Variants in DNAH8 observed in about 807,000 individuals in gnomAD.
DNAH8 encodes dynein axonemal heavy chain 8, also known as axonemal beta dynein heavy chain 8.
DNAH8 carries 382 observed loss-of-function variants against 562.1 expected under a neutral mutation model. The ratio of observed to expected loss-of-function variants is 0.68; its 90% CI spans 0.63 to 0.74. The LOEUF is 0.74. DNAH8 is among the 30% of genes least tolerant of loss of function. DNAH8 has a pLI of 0.00. For synonymous variants in DNAH8, 1,881 were observed against 1,919.4 expected (o/e 0.98, Z 0.52); for missense variants, 5,203 against 5,620.4 (o/e 0.93, Z 2.37).
intron 3 of DNAH8, among the ~76,000 whole-genome samples, chr6:38,729,090 C>T (rs1763458857): frequency 6.6e-6 from 1 of 152,154 alleles, no homozygotes; most frequent in South Asian, 2.1e-4. Flanking sequence ...GTAATCTCAG[C>T]TACTCGGGAG....
At chr6:38,736,399 T>G (rs144040439) in intron 5 of DNAH8, among the ~76,000 whole-genome samples, 73 of 152,306 alleles carry the variant, frequency 4.8e-4, no homozygotes, top group African/African-American at 1.6e-3. Flanking sequence ...TGTTGACATT[T>G]GACTGATGGC....
chr6:38,778,496 T>C, intron 14 of DNAH8, 32 bp downstream of exon 14: 6 of 1,249,698 alleles, frequency 4.8e-6, no homozygotes, highest in Non-Finnish European at 6.9e-6. Flanking sequence ...GAGTAGTTTC[T>C]GGGGGGAATA....
In DNAH8 at chr6:38,951,191, T is replaced by A. The variant is rs1440501036; in HGVS notation, c.12249-127T>A. The stretch of plus-strand genomic sequence containing the variant: ...TAGGAAACCTTGCCATTCCTCTTAC[T>A]TAGATGTGGAAAAGTAGGAATTAAC... On this transcript the variant is annotated intron_variant, in intron 81 of 92. Coordinates refer to ENST00000327475, the MANE Select transcript of DNAH8 (RefSeq NM_001206927.2). 3 of 790,332 alleles carry A rather than the reference T, an allele frequency of 3.8e-6. No individual in the cohort carries two copies. In the Admixed American group the frequency reaches 7.1e-5, roughly 19 times the overall value. 49.0% of individuals were successfully genotyped at this position (790,332 alleles called of 1,614,324 possible). A position where few individuals can be genotyped will look rare whatever the true frequency, so the allele number is the denominator to read the frequency against.
chr6:38,954,384 T>A, intron 82 of DNAH8, among the ~76,000 whole-genome samples: 1 of 152,254 alleles, frequency 6.6e-6, no homozygotes, highest in Admixed American at 6.5e-5. Context: ...ACATTTTAAA[T>A]AATAAGAGAA....
chr6:38,842,606 A>T (rs1774906840), intron 34 of DNAH8, 57 bp from the exon 35 acceptor site: 14 of 1,592,092 alleles, frequency 8.8e-6, no homozygotes, highest in Admixed American at 5.3e-5. Context: ...ATATACATAA[A>T]ACCTTCCTCA....
At chr6:38,920,861 A>AT (rs1178407114) in intron 70 of DNAH8, among the ~76,000 whole-genome samples, 1 of 152,106 alleles carries the variant, frequency 6.6e-6, no homozygotes, top group Non-Finnish European at 1.5e-5. Context: ...ACATTGCTGC[A>AT]TTTTCCATGT....
chr6:38,734,942 A>G (rs1763969349), intron 5 of DNAH8, among the ~76,000 whole-genome samples: 2 of 152,180 alleles, frequency 1.3e-5, no homozygotes, highest in African/African-American at 2.4e-5. Context: ...TAACTCTTTT[A>G]TAGTTTTAAA....
At chr6:38,989,791 T>C (rs1764655042) in intron 87 of DNAH8, among the ~76,000 whole-genome samples, 1 of 152,222 alleles carries the variant, frequency 6.6e-6, no homozygotes, top group Non-Finnish European at 1.5e-5. Context: ...GGTGAATATC[T>C]TCTTTGGTGT....
At chr6:38,942,706 G>A (rs1002273490) in intron 79 of DNAH8, among the ~76,000 whole-genome samples, 2 of 152,174 alleles carry the variant, frequency 1.3e-5, no homozygotes, top group African/African-American at 4.8e-5. Context: ...CCAACAGATA[G>A]CATTTGTCGT....
At position 38,949,490 on chromosome 6, in the gene DNAH8, T is replaced by TA. The variant is rs1458540402; in HGVS notation, c.12171dup (p.Asp4058ArgfsTer10). The TA allele has an allele frequency of 1.2e-6, 2 of 1,613,572 alleles. No individual in the cohort carries two copies. Among genetic ancestry groups the TA allele is most frequent in the Admixed American group, 3.3e-5 (2 of 60,018 alleles). On this transcript the variant is annotated frameshift_variant, in exon 81 of 93. Transcript: ENST00000327475. LOFTEE classifies it high-confidence loss of function. Reference sequence around the variant, plus strand: ...AGAAGGGGTGGAAAAGCTGGTTTGATAAAGATGCTCCAGAGGAGGAAATTA... The same window carrying TA: ...AGAAGGGGTGGAAAAGCTGGTTTGATAAAAGATGCTCCAGAGGAGGAAATTA...
rs11340457 is a variant in DNAH8 at position 38,743,007 on chromosome 6, C to CT, written c.1293+1147dup. Among the ~76,000 whole-genome samples the CT allele has an allele frequency of 6.0e-3, 314 of 52,006 alleles. 12 individuals are homozygous for CT. Among genetic ancestry groups the CT allele is most frequent in the South Asian group, 0.01 (10 of 972 alleles). 34.1% of individuals were successfully genotyped at this position (52,006 alleles called of 152,430 possible). ...TTTCCAAAAAAATGTTGTTGTTGTG[C>CT]TTTTTTTTTTTTTTTTTTTTTTTTT... On this transcript the variant is annotated intron_variant, in intron 8 of 92. Transcript: ENST00000327475.
rs551994233 is a variant in DNAH8 at position 38,904,763 on chromosome 6, G to A, written c.9195-1491G>A. On this transcript the variant is annotated intron_variant, in intron 62 of 92. Coordinates refer to ENST00000327475, the MANE Select transcript of DNAH8 (RefSeq NM_001206927.2). ...GCCGAGATCATGCCATTGCACTCCA[G>A]CCTGGGCAAGAAGAGTGAAACTCCG... 6.0e-5 allele frequency among the ~76,000 whole-genome samples: 8 copies of A among 132,610 alleles called. No individual in the cohort carries two copies. In the East Asian group the frequency reaches 1.6e-3, roughly 27 times the overall value. The allele number at this position is 132,610 out of a possible 152,430, so 87.0% of individuals were successfully genotyped here. A position where few individuals can be genotyped will look rare whatever the true frequency, so the allele number is the denominator to read the frequency against.
chr6:38,858,959 AACTTT>A (rs976063373), intron 42 of DNAH8, among the ~76,000 whole-genome samples: 2 of 152,188 alleles, frequency 1.3e-5, no homozygotes, highest in African/African-American at 4.8e-5. Context: ...GTGCTGAGCA[AACTTT>A]ACTTTACATC....
chr6:39,011,866 C>T (rs10484848), intron 89 of DNAH8, among the ~76,000 whole-genome samples: 16,610 of 152,100 alleles, frequency 0.11, 1,090 homozygotes, highest in Admixed American at 0.2. Flanking sequence ...TCCACTGTAC[C>T]CCTATGAAGG....
intron 15 of DNAH8, among the ~76,000 whole-genome samples, chr6:38,781,031 A>G (rs909571072): frequency 6.6e-6 from 1 of 152,212 alleles, no homozygotes; most frequent in African/African-American, 2.4e-5. Flanking sequence ...AAAAAAATAC[A>G]TGTAATAGGA....
intron 79 of DNAH8, among the ~76,000 whole-genome samples, chr6:38,939,220 A>G (rs1443481570): frequency 4.6e-5 from 7 of 152,204 alleles, no homozygotes; most frequent in African/African-American, 1.4e-4. Context: ...GTAGTTATTG[A>G]TATAACTACA....
chr6:38,859,005 T>A (rs1237836079), intron 42 of DNAH8, among the ~76,000 whole-genome samples: 1 of 152,170 alleles, frequency 6.6e-6, no homozygotes, highest in Non-Finnish European at 1.5e-5. Flanking sequence ...AACCTGTACA[T>A]AAGGAAAACT....
At chr6:38,911,859 C>G (rs900235964) in intron 66 of DNAH8, among the ~76,000 whole-genome samples, 3 of 152,184 alleles carry the variant, frequency 2.0e-5, no homozygotes, top group African/African-American at 7.2e-5. Context: ...TGAGCCATTG[C>G]TGGCAGATGG....
chr6:38,956,644 G>T (rs1223760981), intron 82 of DNAH8, among the ~76,000 whole-genome samples: 2 of 152,156 alleles, frequency 1.3e-5, no homozygotes, highest in African/African-American at 4.8e-5. Flanking sequence ...CTGACCAACT[G>T]TCTCACACAG....
Sources: allele counts gnomAD v4.1 joint callset (sites outside exome capture counted in the v4.1 genomes callset), GRCh38; gene constraint gnomAD v4.1.1; transcripts MANE v1.5; gene names NCBI Gene and HGNC (gene_info 2026-07-23, HGNC 2026-07-21).